OXR1: variants seen among roughly 807,000 people sequenced by gnomAD.
The protein encoded by OXR1 is oxidation resistance 1, also known as oxidation resistance protein 1.
OXR1 carries 41 observed loss-of-function variants against 104.6 expected under a neutral mutation model. The ratio of observed to expected loss-of-function variants is 0.39; its 90% CI spans 0.31 to 0.51. The LOEUF (loss-of-function observed/expected upper bound fraction) is 0.51. Ranked by LOEUF, OXR1 falls within the 20% of genes least tolerant of loss-of-function variation. The probability of loss-of-function intolerance (pLI) is 0.77; values close to 1 mark genes in which losing one functional copy is unlikely to be tolerated. For synonymous variants in OXR1, 348 were observed against 348.4 expected, an observed-to-expected ratio of 1.00 and a Z score of 0.01; for missense variants, 955 against 1,031.9, an observed-to-expected ratio of 0.93 and a Z score of 1.02.
At chr8:106,516,165 C>G (rs182695325) in intron 2 of OXR1, among the ~76,000 whole-genome samples, 2 of 152,108 alleles carry the variant, frequency 1.3e-5, no homozygotes, top group Admixed American at 1.3e-4. Flanking sequence ...GCTGCTCCCT[C>G]ATAACTGCTC....
intron 3 of OXR1, among the ~76,000 whole-genome samples, chr8:106,631,536 G>A (rs1822686709): frequency 6.6e-6 from 1 of 152,144 alleles, no homozygotes; most frequent in Non-Finnish European, 1.5e-5. Context: ...CTATTAAAAT[G>A]TTTTTGTGGT....
chr8:106,296,739 T>C (rs1813013854), intron 1 of OXR1, among the ~76,000 whole-genome samples: 1 of 152,208 alleles, frequency 6.6e-6, no homozygotes, highest in African/African-American at 2.4e-5. Context: ...AATGTTTGTA[T>C]GGTTCTTGAG....
intron 6 of OXR1, among the ~76,000 whole-genome samples, chr8:106,687,748 T>C (rs907915417): frequency 1.3e-5 from 2 of 151,780 alleles, no homozygotes; most frequent in Admixed American, 6.6e-5. Flanking sequence ...ATGTGCCATC[T>C]GTTTTTTCTA....
chr8:106,712,781 T>C (rs1831831142), intron 10 of OXR1, among the ~76,000 whole-genome samples: 1 of 152,100 alleles, frequency 6.6e-6, no homozygotes, highest in Non-Finnish European at 1.5e-5. Context: ...GGACAGAGCC[T>C]GATATTCAAA....
At chr8:106,487,097 C>A (rs1178898099) in intron 2 of OXR1, among the ~76,000 whole-genome samples, 1 of 149,394 alleles carries the variant, frequency 6.7e-6, no homozygotes, top group Non-Finnish European at 1.5e-5. Context: ...GATCTCAGCT[C>A]ACTGCAAACT....
chr8:106,653,933 T>C (rs1189773565), intron 3 of OXR1, among the ~76,000 whole-genome samples: 2 of 152,030 alleles, frequency 1.3e-5, no homozygotes, highest in African/African-American at 4.8e-5. Context: ...TTTATTTCTG[T>C]ATACTAGCAA....
chr8:106,681,031 T>C (rs1239470345), intron 4 of OXR1, among the ~76,000 whole-genome samples: 1 of 152,210 alleles, frequency 6.6e-6, no homozygotes, highest in African/African-American at 2.4e-5. Context: ...AATTTCTTTC[T>C]TTACATTTTT....
At chr8:106,544,770 C>T (rs1815221508) in intron 3 of OXR1, among the ~76,000 whole-genome samples, 1 of 152,086 alleles carries the variant, frequency 6.6e-6, no homozygotes, top group Non-Finnish European at 1.5e-5. Flanking sequence ...TCAATTAGCT[C>T]CAAAGTATCT....
chr8:106,360,501 A>C (rs1253889230), intron 2 of OXR1, among the ~76,000 whole-genome samples: 1 of 152,252 alleles, frequency 6.6e-6, no homozygotes. Flanking sequence ...TTTTTAGTGA[A>C]GTCAGCAATT....
chr8:106,421,035 T>A (rs1386759037), intron 2 of OXR1, among the ~76,000 whole-genome samples: 1 of 152,196 alleles, frequency 6.6e-6, no homozygotes, highest in African/African-American at 2.4e-5. Context: ...CATGTATTTA[T>A]TAATGAATTA....
At chr8:106,616,149 C>G (rs1291117344) in intron 3 of OXR1, among the ~76,000 whole-genome samples, 1 of 145,856 alleles carries the variant, frequency 6.9e-6, no homozygotes, top group Non-Finnish European at 1.5e-5. Context: ...TCACGCCATT[C>G]TCCTGACTCA....
At chr8:106,506,342 G>A (rs544932363) in intron 2 of OXR1, among the ~76,000 whole-genome samples, 63 of 152,272 alleles carry the variant, frequency 4.1e-4, no homozygotes, top group East Asian at 1.2e-3. Context: ...GGCCAGGCGC[G>A]GTGGCTCACG....
chr8:106,408,026 T>C (rs1209566011), intron 2 of OXR1, among the ~76,000 whole-genome samples: 1 of 152,188 alleles, frequency 6.6e-6, no homozygotes, highest in Non-Finnish European at 1.5e-5. Flanking sequence ...TCTGGAAATA[T>C]TTCTAATTGT....
chr8:106,689,229 A>G (rs908919191), intron 6 of OXR1, among the ~76,000 whole-genome samples: 4 of 152,054 alleles, frequency 2.6e-5, no homozygotes, highest in Admixed American at 6.5e-5. Context: ...GGTGTTTGCC[A>G]AGTATCATTG....
intron 3 of OXR1, among the ~76,000 whole-genome samples, chr8:106,538,366 A>G (rs941953094): frequency 1.3e-5 from 2 of 152,212 alleles, no homozygotes; most frequent in African/African-American, 4.8e-5. Context: ...TTGATTTTTT[A>G]GCACAACGCC....
chr8:106,489,877 C>A (rs766784702), intron 2 of OXR1, among the ~76,000 whole-genome samples: 3 of 152,066 alleles, frequency 2.0e-5, no homozygotes, highest in African/African-American at 7.2e-5. Context: ...TATCACATAA[C>A]TTTTTTCCTG....
intron 1 of OXR1, among the ~76,000 whole-genome samples, chr8:106,326,314 G>T (rs1814466835): frequency 6.6e-6 from 1 of 152,180 alleles, no homozygotes; most frequent in East Asian, 1.9e-4. Flanking sequence ...CTCTGGTTAG[G>T]TAAATTTTCT....
At chr8:106,449,841 G>A (rs1276837840) in intron 2 of OXR1, among the ~76,000 whole-genome samples, 1 of 151,956 alleles carries the variant, frequency 6.6e-6, no homozygotes, top group African/African-American at 2.4e-5. Flanking sequence ...CTTGGAGTCA[G>A]TAGGGGCCAC....
intron 10 of OXR1, among the ~76,000 whole-genome samples, chr8:106,712,329 A>G (rs1368556255): frequency 1.3e-5 from 2 of 152,094 alleles, no homozygotes; most frequent in African/African-American, 2.4e-5. Flanking sequence ...CCCAGTCTTT[A>G]TAATCATTTC....
Sources: gnomAD v4.1 joint callset for allele counts (sites outside exome capture counted in the v4.1 genomes callset) on GRCh38, gnomAD v4.1.1 for gene constraint, MANE v1.5 for transcripts, NCBI Gene and HGNC (gene_info 2026-07-23, HGNC 2026-07-21) for gene names.